The following KIF3B variants were observed in gnomAD, a reference collection of about 807,000 sequenced individuals.
KIF3B encodes the protein kinesin-like protein KIF3B.
KIF3B carries 38 observed loss-of-function variants against 74.3 expected under a neutral mutation model. The ratio of observed to expected loss-of-function variants is 0.51; its 90% CI spans 0.39 to 0.67. KIF3B has a LOEUF of 0.67. Ranked by LOEUF, KIF3B falls within the 30% of genes least tolerant of loss-of-function variation. The pLI is 0.00. For missense variants in KIF3B, 649 were observed against 932.0 expected, an observed-to-expected ratio of 0.70 and a Z score of 3.95; for synonymous variants, 326 against 342.5, an observed-to-expected ratio of 0.95 and a Z score of 0.53.
intron 1 of KIF3B, among the ~76,000 whole-genome samples, chr20:32,307,584 G>A (rs1013683074): frequency 2.0e-5 from 3 of 152,126 alleles, no homozygotes; most frequent in African/African-American, 7.2e-5. Context: ...AAATGTTGAT[G>A]GGTAGGTCCA....
chr20:32,300,705 C>T (rs555612772), intron 1 of KIF3B, among the ~76,000 whole-genome samples: 1 of 152,188 alleles, frequency 6.6e-6, no homozygotes, highest in South Asian at 2.1e-4. Context: ...TGAGCCACTG[C>T]ATCCAGCCTG....
chr20:32,288,161 G>GTGA (rs2047675746), intron 1 of KIF3B, among the ~76,000 whole-genome samples: 1 of 151,864 alleles, frequency 6.6e-6, no homozygotes, highest in South Asian at 2.1e-4. Flanking sequence ...GATTACAGGC[G>GTGA]TGAGCCACCG....
intron 1 of KIF3B, among the ~76,000 whole-genome samples, chr20:32,298,457 G>A (rs1158424500): frequency 1.3e-5 from 2 of 152,098 alleles, no homozygotes; most frequent in African/African-American, 4.8e-5. Flanking sequence ...AAAATTCAGA[G>A]AATAATATAA....
In KIF3B at chr20:32,333,596, G is replaced by A. The variant is rs2047940708; in HGVS notation, c.*2277G>A. On this transcript the variant is annotated 3_prime_UTR_variant, in exon 9 of 9. Transcript: ENST00000375712. ...TGCAGTGAGTCGAGATAACACTACT[G>A]CATTCCAGCCTGGGTGACAGAGTGA... 1 of 120,274 alleles carries A rather than the reference G, an allele frequency of 8.3e-6. No individual in the cohort carries two copies. The highest frequency in any genetic ancestry group is 3.4e-5 in the African/African-American group (1 of 29,418). The allele number at this position is 120,274 out of a possible 1,614,324, so 7.5% of individuals were successfully genotyped here. A position where few individuals can be genotyped will look rare whatever the true frequency, so the allele number is the denominator to read the frequency against.
chr20:32,331,339 AG>A lies in KIF3B; in HGVS notation c.*23del. The A allele has an allele frequency of 6.3e-7, 1 of 1,584,796 alleles. No individual in the cohort carries two copies. Among genetic ancestry groups the A allele is most frequent in the Non-Finnish European group, 8.6e-7 (1 of 1,161,190 alleles). On this transcript the variant is annotated 3_prime_UTR_variant, in exon 9 of 9. Transcript: ENST00000375712. ...AAGTAAAGCCAGCTTCTCCTCTCCC[AG>A]GGCGGAAACAGCATTTGCCTTCTGA...
At chr20:32,281,045 T>C (rs537349760) in intron 1 of KIF3B, among the ~76,000 whole-genome samples, 1 of 152,320 alleles carries the variant, frequency 6.6e-6, no homozygotes, top group Admixed American at 6.5e-5. Context: ...TCCTAAGCCT[T>C]TTCATCCATT....
Position 32,305,570 on chromosome 20 carries a change from C to CTTTTTTTTTTTTTTTTTTTTTTT in KIF3B, c.-65-4142_-65-4120dup, listed in dbSNP as rs869049527. Among the ~76,000 whole-genome samples, 2 of 86,872 alleles carry CTTTTTTTTTTTTTTTTTTTTTTT rather than the reference C, an allele frequency of 2.3e-5. 1 individual carries two copies. The highest frequency in any genetic ancestry group is 4.2e-5 in the Non-Finnish European group (2 of 47,680). 57.0% of individuals were successfully genotyped at this position (86,872 alleles called of 152,430 possible). ...TTATAAAATTTTAACACTCCCCCACCTTTTTTTTTTTTTTTTTTTTTTTGT... is the reference window on the plus strand; with the variant it reads ...TTATAAAATTTTAACACTCCCCCACCTTTTTTTTTTTTTTTTTTTTTTTTTTTTTTTTTTTTTTTTTTTTTTGT... On this transcript the variant is annotated intron_variant, in intron 1 of 8. Coordinates refer to ENST00000375712, the MANE Select transcript of KIF3B (RefSeq NM_004798.4).
chr20:32,310,727 T>C lies in KIF3B; in HGVS notation c.950T>C (p.Val317Ala). The C allele has an allele frequency of 6.2e-7, 1 of 1,614,102 alleles. No homozygotes were observed. Among genetic ancestry groups the C allele is most frequent in the Non-Finnish European group, 8.5e-7 (1 of 1,180,012 alleles). The change falls in exon 2 of 9, where the codon GTG (valine) becomes GCG (alanine). Residue 317 changes from valine (V) to alanine (A), a missense_variant. Around this residue, in one of 4 missense-constraint regions of KIF3B, gnomAD observed 363 missense variants for 592.8 expected, o/e 0.61. Transcript: ENST00000375712. The surrounding 1 kb of genome is among the most constrained non-coding windows in gnomAD (Gnocchi z 6.5). Reference sequence around the variant, plus strand: ...GCCAAGACTGTGATGGTGGCCAACGTGGGGCCTGCCTCTTACAACGTAGAA... The same window carrying C: ...GCCAAGACTGTGATGGTGGCCAACGCGGGGCCTGCCTCTTACAACGTAGAA... ...GNAKTVMVAN[V>A]GPASYNVEET...
At chr20:32,318,038 C>T (rs2047837072) in intron 5 of KIF3B, among the ~76,000 whole-genome samples, 1 of 152,158 alleles carries the variant, frequency 6.6e-6, no homozygotes, top group African/African-American at 2.4e-5. Flanking sequence ...CATGGTGGCT[C>T]ATGCCTGTAA....
chr20:32,281,223 T>G (rs1238821910), intron 1 of KIF3B, among the ~76,000 whole-genome samples: 4 of 152,214 alleles, frequency 2.6e-5, no homozygotes, highest in African/African-American at 9.7e-5. Flanking sequence ...AGGTGCAGAT[T>G]AGGATCTCTG....
intron 1 of KIF3B, among the ~76,000 whole-genome samples, chr20:32,290,028 G>A (rs12480531): frequency 0.033 from 5,027 of 152,214 alleles, 110 homozygotes; most frequent in Non-Finnish European, 0.049. Flanking sequence ...AGCAGCAGGT[G>A]TTAGTGATAT....
chr20:32,323,810 G>A (rs139314430), intron 5 of KIF3B, among the ~76,000 whole-genome samples: 31 of 152,132 alleles, frequency 2.0e-4, no homozygotes, highest in African/African-American at 7.0e-4. Context: ...CCTGGAAGGC[G>A]GAGGTTGCAG....
intron 1 of KIF3B, among the ~76,000 whole-genome samples, chr20:32,298,337 T>G (rs1234280775): frequency 6.7e-6 from 1 of 148,816 alleles, no homozygotes; most frequent in African/African-American, 2.5e-5. Context: ...CTCAGGAGGC[T>G]GAGGCGGAAA....
At chr20:32,325,833 A>G (rs1163097720) in intron 5 of KIF3B, among the ~76,000 whole-genome samples, 1 of 151,622 alleles carries the variant, frequency 6.6e-6, no homozygotes, top group East Asian at 2.0e-4. Flanking sequence ...ACACACAGCT[A>G]ATTTTTGTAT....
chr20:32,293,254 TAA>T (rs1204372095), intron 1 of KIF3B, among the ~76,000 whole-genome samples: 5 of 149,166 alleles, frequency 3.4e-5, no homozygotes, highest in African/African-American at 1.2e-4. Flanking sequence ...TGTCTCAAAA[TAA>T]ATGAGTGAAT....
At chr20:32,278,552 A>G (rs1391885877) in intron 1 of KIF3B, among the ~76,000 whole-genome samples, 2 of 152,084 alleles carry the variant, frequency 1.3e-5, no homozygotes, top group Admixed American at 1.3e-4. Flanking sequence ...GGGTAGTCCT[A>G]CTGCAATGCC....
At position 32,325,653 on chromosome 20, in the gene KIF3B, C is replaced by CTTTTTTTTTTTTTTTTTTTTTTTT. The variant is rs200570783; in HGVS notation, c.1749-1117_1749-1116insTTTTTTTTTTTTTTTTTTTTTTTT. ...TTTTCATTATTATCTCTCTCTCTCT[C>CTTTTTTTTTTTTTTTTTTTTTTTT]TCTTTTTTTTTTTTTTTTTTTTTTT... On this transcript the variant is annotated intron_variant, in intron 5 of 8. Transcript: ENST00000375712. Among the ~76,000 whole-genome samples the CTTTTTTTTTTTTTTTTTTTTTTTT allele has an allele frequency of 4.4e-5, 4 of 90,286 alleles. 1 individual carries two copies. Among genetic ancestry groups the CTTTTTTTTTTTTTTTTTTTTTTTT allele is most frequent in the South Asian group, 4.4e-4 (1 of 2,274 alleles). 59.2% of individuals were successfully genotyped at this position (90,286 alleles called of 152,430 possible).
chr20:32,284,713 G>A lies in KIF3B; in HGVS notation c.-66+6948G>A, dbSNP rs540720185. 2.6e-5 allele frequency among the ~76,000 whole-genome samples: 4 copies of A among 152,262 alleles called. No individual in the cohort carries two copies. The South Asian group carries it at 8.3e-4, about 32-fold the overall frequency. ...AGAGCCTGCCTTTTACCAAGATCCC[G>A]GATGTTTCCTGTGCACATTAAAAGT... On this transcript the variant is annotated intron_variant, in intron 1 of 8. Transcript: ENST00000375712.
At chr20:32,323,238 C>T (rs2047885159) in intron 5 of KIF3B, among the ~76,000 whole-genome samples, 2 of 138,186 alleles carry the variant, frequency 1.4e-5, no homozygotes, top group South Asian at 4.3e-4. Context: ...TATTTTTATA[C>T]CTAAAAAAAT....
Sources: allele counts gnomAD v4.1 joint callset (sites outside exome capture counted in the v4.1 genomes callset), GRCh38; gene constraint gnomAD v4.1.1; regional missense constraint gnomAD v4.1.1; non-coding constraint Gnocchi (gnomAD v3.1); transcripts MANE v1.5; gene names NCBI Gene and HGNC (gene_info 2026-07-23, HGNC 2026-07-21).